NR1D2: variants seen among roughly 807,000 people sequenced by gnomAD.
The protein encoded by NR1D2 is V-erbA-related protein 1-related.
In NR1D2, 25 loss-of-function variants were observed where a neutral mutation model predicts 52.2. The ratio of observed to expected loss-of-function variants is 0.48; its 90% confidence interval spans 0.35 to 0.67. The LOEUF (loss-of-function observed/expected upper bound fraction) is 0.67. NR1D2 is among the 30% of genes least tolerant of loss of function. The probability of loss-of-function intolerance (pLI) is 0.01; values close to 1 mark genes in which losing one functional copy is unlikely to be tolerated. For synonymous variants in NR1D2, 259 were observed against 230.1 expected (o/e 1.13, Z -1.14); for missense variants, 681 against 707.2 (o/e 0.96, Z 0.42).
At chr3:23,961,657 A>G (rs1328779979) in intron 4 of NR1D2, among the ~76,000 whole-genome samples, 1 of 151,682 alleles carries the variant, frequency 6.6e-6, no homozygotes, top group African/African-American at 2.4e-5. Context: ...CAGCCTCCCA[A>G]AGTGCTGTGA....
chr3:23,950,724 T>C (rs576226569), intron 1 of NR1D2, among the ~76,000 whole-genome samples: 1 of 152,164 alleles, frequency 6.6e-6, no homozygotes, highest in Non-Finnish European at 1.5e-5. Context: ...AGGAATTGGA[T>C]CTTCGCTGGA....
At position 23,962,507 on chromosome 3, in the gene NR1D2, T is replaced by A; in HGVS notation, c.1048T>A (p.Tyr350Asn). The A allele has an allele frequency of 1.2e-6, 2 of 1,613,984 alleles. No homozygotes were observed. The highest frequency in any genetic ancestry group is 1.7e-6 in the Non-Finnish European group (2 of 1,179,816). The change falls in exon 5 of 8, where the codon TAT (tyrosine) becomes AAT (asparagine). Residue 350 changes from tyrosine (Y) to asparagine (N), a missense_variant. Around this residue, in one of 3 missense-constraint regions of NR1D2, gnomAD observed 475 missense variants for 454.5 expected, o/e 1.05. Coordinates refer to ENST00000312521, the MANE Select transcript of NR1D2 (RefSeq NM_005126.5). ...NGHCMNFSNAYTQRVCDRVPI... is the reference protein window; with the variant it reads ...NGHCMNFSNANTQRVCDRVPI... Reference sequence around the variant, plus strand: ...ACATTGTATGAACTTCTCCAATGCTTATACTCAAAGAGTATGTGATAGAGT... The same window carrying A: ...ACATTGTATGAACTTCTCCAATGCTAATACTCAAAGAGTATGTGATAGAGT...
Position 23,979,473 on chromosome 3 carries a change from T to G in NR1D2, c.*2054T>G, listed in dbSNP as rs1706820278. On this transcript the variant is annotated 3_prime_UTR_variant, in exon 8 of 8. Transcript: ENST00000312521. ...ATAAGCCTCTTTATAACATGTATCT[T>G]TAAAACAATTAAGTCTTTAGGAATG... 1 of 152,050 alleles carries G rather than the reference T, an allele frequency of 6.6e-6. No homozygotes were observed. The highest frequency in any genetic ancestry group is 2.4e-5 in the African/African-American group (1 of 41,460). 9.4% of individuals were successfully genotyped at this position (152,050 alleles called of 1,614,324 possible). A position where few individuals can be genotyped will look rare whatever the true frequency, so the allele number is the denominator to read the frequency against.
rs1706271639 is a variant in NR1D2, at chr3:23,962,295, T to C, written c.836T>C (p.Met279Thr). The C allele has an allele frequency of 6.2e-7, 1 of 1,614,204 alleles. No individual in the cohort carries two copies. ...QEQQENSAES[M>T]QPQRGERIPK... is the part of the protein sequence containing the mutation. Reference sequence around the variant, plus strand: ...CAGCAAGAAAACTCAGCTGAGAGCATGCAGCCCCAGAGAGGAGAACGGATT... The same window carrying C: ...CAGCAAGAAAACTCAGCTGAGAGCACGCAGCCCCAGAGAGGAGAACGGATT... Residue 279 changes from methionine to threonine, a missense_variant, in exon 5 of 8, where the codon ATG becomes ACG. Physicochemically the swap from Met to Thr is moderately conservative, Grantham distance 81. Transcript: ENST00000312521.
intron 6 of NR1D2, among the ~76,000 whole-genome samples, chr3:23,966,803 G>A (rs1363318696): frequency 6.6e-6 from 1 of 152,154 alleles, no homozygotes; most frequent in East Asian, 1.9e-4. Flanking sequence ...GCCGAGGCAG[G>A]CCGATCACTT....
At chr3:23,957,359 T>C (rs1221311141) in intron 3 of NR1D2, among the ~76,000 whole-genome samples, 2 of 151,428 alleles carry the variant, frequency 1.3e-5, no homozygotes, top group Non-Finnish European at 2.9e-5. Context: ...TTTTTTTCAT[T>C]GTTTAAAAAA....
chr3:23,950,345 C>G (rs1705892685), intron 1 of NR1D2, among the ~76,000 whole-genome samples: 1 of 152,242 alleles, frequency 6.6e-6, no homozygotes, highest in South Asian at 2.1e-4. Context: ...TAGTGGCTGA[C>G]TTATCCTCTC....
At chr3:23,969,492 G>A (rs1282684364) in intron 7 of NR1D2, among the ~76,000 whole-genome samples, 2 of 152,168 alleles carry the variant, frequency 1.3e-5, no homozygotes, top group Non-Finnish European at 2.9e-5. Context: ...CTGTTTTATA[G>A]CTAATTTATA....
At chr3:23,976,749 TTAG>T (rs1706733995) in intron 7 of NR1D2, among the ~76,000 whole-genome samples, 1 of 152,248 alleles carries the variant, frequency 6.6e-6, no homozygotes, top group Non-Finnish European at 1.5e-5. Context: ...CTAGGTCCAC[TTAG>T]TAGGAGGAGG....
At chr3:23,958,765 T>C (rs1190801221) in intron 3 of NR1D2, among the ~76,000 whole-genome samples, 29 of 149,314 alleles carry the variant, frequency 1.9e-4, no homozygotes, top group Admixed American at 1.9e-3. Flanking sequence ...CTGGCCAACA[T>C]GGTGAAACCC....
chr3:23,955,021 T>A (rs1706044647), intron 2 of NR1D2, among the ~76,000 whole-genome samples: 1 of 152,206 alleles, frequency 6.6e-6, no homozygotes. Flanking sequence ...GACATGTGAT[T>A]ATGTACTCTG....
chr3:23,964,930 T>A (rs1411208118), intron 5 of NR1D2, 47 bp from the exon 6 acceptor site: 1 of 1,292,030 alleles, frequency 7.7e-7, no homozygotes, highest in Admixed American at 2.3e-5. Flanking sequence ...TGACATTTCT[T>A]TACCACCTCT....
At chr3:23,963,468 T>G (rs1706342326) in intron 5 of NR1D2, 1 of 1,118,568 alleles carries the variant, frequency 8.9e-7, no homozygotes, top group Non-Finnish European at 1.1e-6. Context: ...GTTTTTTTTT[T>G]TGAGACATTC....
intron 7 of NR1D2, among the ~76,000 whole-genome samples, chr3:23,972,924 A>G (rs1312171250): frequency 6.6e-6 from 1 of 152,234 alleles, no homozygotes; most frequent in Non-Finnish European, 1.5e-5. Flanking sequence ...GGTTTTAGAT[A>G]TAGGCATCCA....
chr3:23,969,080 T>C (rs1180077914), intron 7 of NR1D2, among the ~76,000 whole-genome samples: 3 of 152,070 alleles, frequency 2.0e-5, no homozygotes, highest in African/African-American at 7.2e-5. Flanking sequence ...AGGTCAGGAA[T>C]TTGAGACCAG....
intron 1 of NR1D2, 45 bp from the exon 2 acceptor site, chr3:23,954,492 G>T (rs779619219): frequency 5.9e-6 from 9 of 1,526,060 alleles, no homozygotes; most frequent in Middle Eastern, 1.7e-4. Context: ...TAAAAAATAC[G>T]TATTATCTTG....
rs563905774 is a variant in NR1D2 at position 23,954,617 on chromosome 3, T to C, written c.97T>C (p.Phe33Leu). The C allele has an allele frequency of 6.2e-7, 1 of 1,614,094 alleles. No homozygotes were observed. The highest frequency in any genetic ancestry group is 1.1e-5 in the South Asian group (1 of 91,086). ...SCHSEGSENS[F>L]QSSSSSVPSS... is the part of the protein sequence containing the mutation. ...TCACAGTGAGGGTTCTGAGAATAGT[T>C]TCCAGTCCTCCTCCTCTTCTGTTCC... Residue 33 changes from phenylalanine to leucine, a missense_variant, in exon 2 of 8, where the codon TTC (phenylalanine) becomes CTC (leucine). Phe to Leu is a conservative substitution (Grantham distance 22, BLOSUM62 0). Transcript: ENST00000312521.
chr3:23,965,175 T>C lies in NR1D2; in HGVS notation c.1332+13T>C. 1 of 1,563,950 alleles carries C rather than the reference T, an allele frequency of 6.4e-7. No homozygotes were observed. Among genetic ancestry groups the C allele is most frequent in the Non-Finnish European group, 8.7e-7 (1 of 1,152,000 alleles). On this transcript the variant is annotated intron_variant, in intron 6 of 7. Transcript: ENST00000312521. ...TGGGACTTTTGAGGTAGGTTTTATT[T>C]ATCCTGAATATTGATGCAGGCAGGG...
Position 23,977,476 on chromosome 3 carries a change from C to T in NR1D2, c.*57C>T, listed in dbSNP as rs1225117014. On this transcript the variant is annotated 3_prime_UTR_variant, in exon 8 of 8. Transcript: ENST00000312521. The stretch of plus-strand genomic sequence containing the variant: ...TAACTGTACATTTTGTGCTAAAATG[C>T]ATATTTATATGTGTATACCATATGT... 2 of 1,191,958 alleles carry T rather than the reference C, an allele frequency of 1.7e-6. No individual in the cohort carries two copies. Among genetic ancestry groups the T allele is most frequent in the Non-Finnish European group, 2.4e-6 (2 of 848,902 alleles). The allele number at this position is 1,191,958 out of a possible 1,614,324, so 73.8% of individuals were successfully genotyped here.
Sources: allele counts gnomAD v4.1 joint callset (sites outside exome capture counted in the v4.1 genomes callset), GRCh38; gene constraint gnomAD v4.1.1; regional missense constraint gnomAD v4.1.1; transcripts MANE v1.5; gene names NCBI Gene and HGNC (gene_info 2026-07-23, HGNC 2026-07-21).